Variants in MAPK6 observed in about 807,000 individuals in gnomAD.
MAPK6 encodes the protein mitogen-activated protein kinase 6, also known as ERK-3.
MAPK6 carries 19 observed loss-of-function variants against 59.3 expected under a neutral mutation model. The ratio of observed to expected loss-of-function variants is 0.32; its 90% CI spans 0.22 to 0.47. MAPK6 has a LOEUF of 0.47. MAPK6 is among the 20% of genes least tolerant of loss of function. The probability of loss-of-function intolerance (pLI) is 1.00; values close to 1 mark genes in which losing one functional copy is unlikely to be tolerated. For synonymous variants in MAPK6, 316 were observed against 290.3 expected (o/e 1.09, Z -0.90); for missense variants, 724 against 847.9 (o/e 0.85, Z 1.81).
chr15:52,035,405 C>A (rs929247130), intron 1 of MAPK6, among the ~76,000 whole-genome samples: 2 of 152,092 alleles, frequency 1.3e-5, no homozygotes, highest in Non-Finnish European at 2.9e-5. Context: ...GAGGCCGAGG[C>A]GGGTGGATCT....
rs2032432637 is a variant in MAPK6 at position 52,066,762 on chromosome 15, ACGTG to A, written c.*1763_*1766del. On this transcript the variant is annotated 3_prime_UTR_variant, in exon 6 of 6. Coordinates refer to ENST00000261845, the MANE Select transcript of MAPK6 (RefSeq NM_002748.4). ...TGGATTCACAAAGCCATATATATAC[ACGTG>A]TGTGTGTGTGTGTGTGTGTGTGTGT... 2.3e-5 allele frequency: 2 copies of A among 86,716 alleles called. No individual in the cohort carries two copies. Among genetic ancestry groups the A allele is most frequent in the African/African-American group, 7.3e-5 (2 of 27,574 alleles). 5.4% of individuals were successfully genotyped at this position (86,716 alleles called of 1,614,324 possible).
chr15:52,016,070 G>GCGCGCGCGCACGCACA, upstream of MAPK6, among the ~76,000 whole-genome samples: 10 of 55,394 alleles, frequency 1.8e-4, 1 homozygote, highest in African/African-American at 6.3e-4. Flanking sequence ...GCGCGCGCGC[G>GCGCGCGCGCACGCACA]CACACACACA....
At position 52,055,746 on chromosome 15, in the gene MAPK6, C is replaced by T. The variant is rs151253923; in HGVS notation, c.701-2887C>T. On this transcript the variant is annotated intron_variant, in intron 3 of 5. Transcript: ENST00000261845. ...GGTCAGGTTGGTGTTGAACTCCTGA[C>T]CTCAGGTCATTACCTGCCTCAGCCT... is the stretch of plus-strand genomic sequence containing the variant. Among the ~76,000 whole-genome samples, 3 of 152,270 alleles carry T rather than the reference C, an allele frequency of 2.0e-5. No individual in the cohort carries two copies. In the South Asian group the frequency reaches 6.2e-4, roughly 32 times the overall value.
chr15:51,984,858 C>T (rs1183470181), intron 2 of MAPK6, among the ~76,000 whole-genome samples: 1 of 152,152 alleles, frequency 6.6e-6, no homozygotes, highest in East Asian at 1.9e-4. Flanking sequence ...AGCTCTATAT[C>T]TCTGGGAAGT....
chr15:52,047,067 A>C, intron 2 of MAPK6, 52 bp downstream of exon 2: 1 of 1,255,150 alleles, frequency 8.0e-7, no homozygotes, highest in Non-Finnish European at 1.1e-6. Flanking sequence ...ACACCTAATC[A>C]GGAATAGGTA....
chr15:52,030,611 C>CTTTTTTT (rs11295636), intron 1 of MAPK6, among the ~76,000 whole-genome samples: 6 of 35,744 alleles, frequency 1.7e-4, no homozygotes, highest in African/African-American at 5.7e-4. Context: ...CAGAAGAAGG[C>CTTTTTTT]TTTTTTTTTT....
intron 3 of MAPK6, among the ~76,000 whole-genome samples, chr15:52,052,135 AGTGGTTTAGCTGG>A (rs1048392142): frequency 6.6e-6 from 1 of 152,126 alleles, no homozygotes; most frequent in Non-Finnish European, 1.5e-5. Flanking sequence ...AAAATATGGG[AGTGGTTTAGCTGG>A]GTGGTTCTAG....
chr15:52,048,909 G>A (rs62015199), intron 2 of MAPK6, among the ~76,000 whole-genome samples: 2 of 70,228 alleles, frequency 2.8e-5, no homozygotes, highest in Non-Finnish European at 7.8e-5. Flanking sequence ...AATATTGTGG[G>A]TAGAGCACTG....
intron 4 of MAPK6, among the ~76,000 whole-genome samples, chr15:52,059,606 C>A (rs2032118566): frequency 1.3e-5 from 2 of 152,304 alleles, no homozygotes; most frequent in South Asian, 4.1e-4. Flanking sequence ...GAGGACGGTG[C>A]TGTTGAAGCA....
intron 2 of MAPK6, among the ~76,000 whole-genome samples, chr15:51,992,243 C>G (rs570585714): frequency 6.7e-6 from 1 of 150,212 alleles, no homozygotes; most frequent in African/African-American, 2.5e-5. Flanking sequence ...CAGGCATGAG[C>G]CACCGCACCC....
chr15:52,029,554 C>T (rs910176112), intron 1 of MAPK6, among the ~76,000 whole-genome samples: 3 of 152,188 alleles, frequency 2.0e-5, no homozygotes, highest in Non-Finnish European at 4.4e-5. Flanking sequence ...CCTTGCTAGA[C>T]ATTACCACTT....
At chr15:52,059,151 C>T (rs1040864477) in intron 4 of MAPK6, among the ~76,000 whole-genome samples, 2 of 152,150 alleles carry the variant, frequency 1.3e-5, no homozygotes, top group African/African-American at 4.8e-5. Flanking sequence ...GCCGGTTTTG[C>T]AGGCTTTTCA....
At chr15:52,031,642 G>A (rs1381685492) in intron 1 of MAPK6, among the ~76,000 whole-genome samples, 1 of 152,048 alleles carries the variant, frequency 6.6e-6, no homozygotes, top group Non-Finnish European at 1.5e-5. Context: ...ACTAGCATAG[G>A]CAACATTGGG....
At chr15:52,027,202 A>G (rs1466013662) in intron 1 of MAPK6, among the ~76,000 whole-genome samples, 1 of 149,786 alleles carries the variant, frequency 6.7e-6, no homozygotes, top group Non-Finnish European at 1.5e-5. Flanking sequence ...AAATACGAAA[A>G]AACTGGCCAT....
At chr15:52,051,708 T>C (rs1270132187) in intron 3 of MAPK6, among the ~76,000 whole-genome samples, 3 of 151,780 alleles carry the variant, frequency 2.0e-5, no homozygotes, top group African/African-American at 7.3e-5. Flanking sequence ...ACCCTGTCTC[T>C]ACTAAAAATA....
intron 2 of MAPK6, among the ~76,000 whole-genome samples, chr15:51,990,141 G>A (rs1566894544): frequency 6.6e-6 from 1 of 152,194 alleles, no homozygotes; most frequent in Non-Finnish European, 1.5e-5. Context: ...GTTATCCTAA[G>A]GCTTGTGAGA....
At chr15:52,029,446 A>T (rs2030944114) in intron 1 of MAPK6, among the ~76,000 whole-genome samples, 2 of 152,008 alleles carry the variant, frequency 1.3e-5, no homozygotes, top group South Asian at 2.1e-4. Context: ...GGTCTCATTC[A>T]ACTCATTGTT....
chr15:51,993,279 A>G (rs114889357), intron 2 of MAPK6, among the ~76,000 whole-genome samples: 2,708 of 152,270 alleles, frequency 0.018, 80 homozygotes, highest in African/African-American at 0.062. Context: ...AAGGTCAAAG[A>G]CCAAATATTA....
In MAPK6 at chr15:52,031,302, T is replaced by C. The variant is rs549117576; in HGVS notation, c.-632+11926T>C. On this transcript the variant is annotated intron_variant, in intron 1 of 5. Transcript: ENST00000261845. ...TTGGGGAGTGAAGGGAGATATGTAC[T>C]ATACTTGTCAATAAAAAAATAAGTT... Among the ~76,000 whole-genome samples, 3 of 152,320 alleles carry C rather than the reference T, an allele frequency of 2.0e-5. No homozygotes were observed. The South Asian group carries it at 6.2e-4, about 32-fold the overall frequency.
Sources: gnomAD v4.1 joint callset for allele counts (sites outside exome capture counted in the v4.1 genomes callset) on GRCh38, gnomAD v4.1.1 for gene constraint, MANE v1.5 for transcripts, NCBI Gene and HGNC (gene_info 2026-07-23, HGNC 2026-07-21) for gene names.